Variants in RANBP2 observed in about 807,000 individuals in gnomAD.
The protein encoded by RANBP2 is RAN binding protein 2.
A neutral mutation model predicts 303.6 loss-of-function variants in RANBP2; 57 were observed. That is an observed-to-expected ratio of 0.19 (90% CI 0.15 to 0.23). The LOEUF (loss-of-function observed/expected upper bound fraction) is 0.23. Ranked by LOEUF, RANBP2 falls within the 10% of genes least tolerant of loss-of-function variation. RANBP2 has a pLI of 1.00. For synonymous variants in RANBP2, 1,167 were observed against 1,301.5 expected, an observed-to-expected ratio of 0.90 and a Z score of 2.23; for missense variants, 3,138 against 3,780.8, an observed-to-expected ratio of 0.83 and a Z score of 4.46.
At chr2:109,157,739 A>G in the RANBP2 span, among the ~76,000 whole-genome samples, 1 of 152,192 alleles carries the variant, frequency 6.6e-6, no homozygotes, top group Admixed American at 6.5e-5. Context: ...GATGCCATAC[A>G]AATTTCTTGA....
the RANBP2 span, chr2:109,501,694 G>A: frequency 5.4e-6 from 4 of 739,908 alleles, no homozygotes; most frequent in South Asian, 2.9e-5. Flanking sequence ...CCTGCACCCA[G>A]CTCACAGAGG....
the RANBP2 span, among the ~76,000 whole-genome samples, chr2:109,528,322 G>A: frequency 2.6e-5 from 4 of 152,252 alleles, no homozygotes; most frequent in Admixed American, 1.3e-4. Context: ...AGCAGAGCAA[G>A]GGGGTATGCT....
the RANBP2 span, among the ~76,000 whole-genome samples, chr2:108,793,657 C>T: frequency 1.3e-5 from 2 of 151,048 alleles, no homozygotes. Context: ...AGTGCAGTAG[C>T]GCGATCTGGG....
rs777941746 is a variant in RANBP2, at chr2:108,736,196, G to A, written c.729G>A (p.Met243Ile). The change falls in exon 6 of 29, where the codon ATG (methionine) becomes ATA (isoleucine). Residue 243 changes from methionine (M) to isoleucine (I), a missense_variant. Physicochemically the swap from Met to Ile is conservative, Grantham distance 10. Transcript: ENST00000283195. ...TDLLLAYANLMLLTLSTRDVQ... is the reference protein window; with the variant it reads ...TDLLLAYANLILLTLSTRDVQ... ...TACTGCTGGCCTATGCTAATCTTAT[G>A]CTTCTTACGCTTTCCACTAGAGATG... 1.9e-6 allele frequency: 3 copies of A among 1,611,922 alleles called. No individual in the cohort carries two copies. The South Asian group carries it at 3.3e-5, about 18-fold the overall frequency.
the RANBP2 span, chr2:109,504,711 G>A: frequency 1.3e-5 from 2 of 152,312 alleles, no homozygotes; most frequent in African/African-American, 2.4e-5. Context: ...GAACCTGAAG[G>A]TTTGGCCCAC....
At chr2:108,722,686 C>T (rs1241474624) in intron 1 of RANBP2, among the ~76,000 whole-genome samples, 5 of 148,592 alleles carry the variant, frequency 3.4e-5, no homozygotes, top group African/African-American at 1.3e-4. Flanking sequence ...CTTTGGGAGG[C>T]CGAGAGACCA....
the RANBP2 span, among the ~76,000 whole-genome samples, chr2:108,945,082 C>G: frequency 6.6e-5 from 10 of 152,222 alleles, no homozygotes; most frequent in African/African-American, 2.4e-4. Context: ...CTTGAATGCG[C>G]AAAGGAGTTG....
chr2:108,777,316 CTAAG>C (rs1402257976), intron 25 of RANBP2, 85 bp downstream of exon 25: 1 of 704,054 alleles, frequency 1.4e-6, no homozygotes, highest in Non-Finnish European at 2.1e-6. Flanking sequence ...CAGTATATAA[CTAAG>C]TTAGAAGTTT....
the RANBP2 span, among the ~76,000 whole-genome samples, chr2:109,393,463 G>A: frequency 6.6e-5 from 10 of 152,318 alleles, no homozygotes; most frequent in African/African-American, 2.2e-4. Context: ...TCCCCAGGTC[G>A]TTCAGTGCAC....
intron 25 of RANBP2, among the ~76,000 whole-genome samples, chr2:108,780,474 C>T (rs1239640937): frequency 1.4e-5 from 2 of 147,930 alleles, no homozygotes; most frequent in African/African-American, 2.5e-5. Context: ...AAGTGATTCT[C>T]CTGCCCCAGC....
the RANBP2 span, among the ~76,000 whole-genome samples, chr2:109,469,437 G>GA: frequency 6.6e-6 from 1 of 152,196 alleles, no homozygotes; most frequent in African/African-American, 2.4e-5. Context: ...CTGCTCTGTC[G>GA]AGGAAGGGTT....
the RANBP2 span, among the ~76,000 whole-genome samples, chr2:109,198,380 CAGTG>C: frequency 6.6e-6 from 1 of 152,162 alleles, no homozygotes; most frequent in African/African-American, 2.4e-5. Context: ...AAACAAAACT[CAGTG>C]AGCAAGGGGT....
the RANBP2 span, among the ~76,000 whole-genome samples, chr2:109,415,137 C>T: frequency 7.7e-4 from 72 of 92,904 alleles, no homozygotes; most frequent in African/African-American, 3.7e-3. Context: ...CTAGAAGCTG[C>T]AAAGGCAGGG....
At chr2:109,693,067 G>C in the RANBP2 span, among the ~76,000 whole-genome samples, 1 of 152,084 alleles carries the variant, frequency 6.6e-6, no homozygotes, top group Non-Finnish European at 1.5e-5. Context: ...AAGACTGCTA[G>C]AGCAGACTCT....
At chr2:109,449,416 G>A in the RANBP2 span, 3 of 1,613,616 alleles carry the variant, frequency 1.9e-6, no homozygotes, top group South Asian at 2.2e-5. Flanking sequence ...GCTGGAGGGG[G>A]GCCCATCGGT....
chr2:109,458,160 C>G, the RANBP2 span, among the ~76,000 whole-genome samples: 1 of 152,200 alleles, frequency 6.6e-6, no homozygotes, highest in Non-Finnish European at 1.5e-5. Flanking sequence ...GGTTTTTATT[C>G]ACCTGATAAG....
the RANBP2 span, among the ~76,000 whole-genome samples, chr2:109,364,414 C>T: frequency 2.0e-5 from 3 of 152,200 alleles, no homozygotes; most frequent in Non-Finnish European, 4.4e-5. Context: ...GTATGTGAAT[C>T]ATAGTTGTTT....
the RANBP2 span, among the ~76,000 whole-genome samples, chr2:109,417,287 C>A: frequency 6.6e-6 from 1 of 152,172 alleles, no homozygotes; most frequent in Admixed American, 6.5e-5. Context: ...CCCCCACCTA[C>A]ACCTCCATGG....
the RANBP2 span, among the ~76,000 whole-genome samples, chr2:109,604,213 G>A: frequency 6.7e-6 from 1 of 149,508 alleles, no homozygotes; most frequent in African/African-American, 2.5e-5. Context: ...GTGTGGTGGT[G>A]TGTGCCTGTA....
Sources: gnomAD v4.1 joint callset for allele counts (sites outside exome capture counted in the v4.1 genomes callset) on GRCh38, gnomAD v4.1.1 for gene constraint, MANE v1.5 for transcripts, NCBI Gene and HGNC (gene_info 2026-07-23, HGNC 2026-07-21) for gene names.